The following MBNL2 variants were observed in gnomAD, a reference collection of about 807,000 sequenced individuals.
The protein encoded by MBNL2 is muscleblind like splicing regulator 2.
A neutral mutation model predicts 41.9 loss-of-function variants in MBNL2; 17 were observed. That is an observed-to-expected ratio of 0.41 (90% CI 0.28 to 0.61). The LOEUF (loss-of-function observed/expected upper bound fraction) is 0.61, where lower values mean the gene tolerates loss of function less well. Ranked by LOEUF, MBNL2 falls within the 20% of genes least tolerant of loss-of-function variation. The probability of loss-of-function intolerance (pLI) is 0.35; values close to 1 mark genes in which losing one functional copy is unlikely to be tolerated. For synonymous variants in MBNL2, 195 were observed against 182.9 expected (o/e 1.07, Z -0.53); for missense variants, 336 against 505.6 (o/e 0.66, Z 3.22).
intron 2 of MBNL2, among the ~76,000 whole-genome samples, chr13:97,285,839 C>T (rs2054316664): frequency 6.6e-6 from 1 of 152,126 alleles, no homozygotes; most frequent in South Asian, 2.1e-4. Context: ...TGGTTTTCAC[C>T]TCACCTCATT....
chr13:97,302,620 A>G (rs1326998030), intron 2 of MBNL2, among the ~76,000 whole-genome samples: 2 of 152,218 alleles, frequency 1.3e-5, no homozygotes, highest in Non-Finnish European at 2.9e-5. Context: ...TATTTTTCCT[A>G]TGACTGGTAT....
the MBNL2 span, among the ~76,000 whole-genome samples, chr13:97,204,954 A>G: frequency 3.9e-5 from 6 of 152,000 alleles, no homozygotes; most frequent in South Asian, 6.2e-4. Flanking sequence ...ACAGGGGTTC[A>G]TGAAGTTAAG....
intron 1 of MBNL2, among the ~76,000 whole-genome samples, chr13:97,243,575 A>G (rs2044764374): frequency 6.6e-6 from 1 of 152,198 alleles, no homozygotes; most frequent in Admixed American, 6.5e-5. Flanking sequence ...GAAATCAACG[A>G]AAGTGGAGAA....
chr13:97,255,335 C>T (rs1415323002), intron 1 of MBNL2, among the ~76,000 whole-genome samples: 3 of 152,226 alleles, frequency 2.0e-5, no homozygotes, highest in African/African-American at 7.2e-5. Flanking sequence ...TTGCATACCA[C>T]TTCAATTATT....
At chr13:97,259,000 G>A (rs997335056) in intron 1 of MBNL2, among the ~76,000 whole-genome samples, 1 of 152,170 alleles carries the variant, frequency 6.6e-6, no homozygotes, top group African/African-American at 2.4e-5. Context: ...AGGTTCATGT[G>A]ACTCAAAAAT....
At chr13:97,318,120 G>A (rs948648247) in intron 2 of MBNL2, among the ~76,000 whole-genome samples, 3 of 152,174 alleles carry the variant, frequency 2.0e-5, no homozygotes, top group African/African-American at 4.8e-5. Flanking sequence ...TAACCTCTCT[G>A]TGCCTTGGTT....
intron 8 of MBNL2, among the ~76,000 whole-genome samples, chr13:97,367,510 G>A (rs544794731): frequency 3.2e-4 from 49 of 152,326 alleles, no homozygotes; most frequent in Admixed American, 2.9e-3. Flanking sequence ...AGGGGAAATC[G>A]TGTTGGGGGA....
At chr13:97,162,599 T>C in the MBNL2 span, among the ~76,000 whole-genome samples, 1 of 152,190 alleles carries the variant, frequency 6.6e-6, no homozygotes, top group Non-Finnish European at 1.5e-5. Flanking sequence ...AGCCCTGGGA[T>C]AGATGTGTAT....
intron 2 of MBNL2, among the ~76,000 whole-genome samples, chr13:97,296,480 C>T (rs9513229): frequency 0.096 from 14,641 of 151,954 alleles, 814 homozygotes; most frequent in African/African-American, 0.15. Flanking sequence ...AACTGTTTTT[C>T]CCCCCAGAGG....
intron 7 of MBNL2, among the ~76,000 whole-genome samples, chr13:97,363,518 T>C (rs1300286722): frequency 6.6e-6 from 1 of 150,502 alleles, no homozygotes; most frequent in African/African-American, 2.5e-5. Context: ...GGCGGAGTGC[T>C]GAATGCTGCT....
chr13:97,389,192 T>C (rs565051470), intron 8 of MBNL2, among the ~76,000 whole-genome samples: 19 of 152,218 alleles, frequency 1.2e-4, no homozygotes, highest in Non-Finnish European at 2.4e-4. Context: ...CAATTAAATT[T>C]CAGTGGTCAT....
Position 97,222,463 on chromosome 13 carries a change from C to T in MBNL2, c.-673C>T. 1 of 398,636 alleles carries T rather than the reference C, an allele frequency of 2.5e-6. No individual in the cohort carries two copies. The highest frequency in any genetic ancestry group is 4.4e-6 in the Non-Finnish European group (1 of 226,082). The allele number at this position is 398,636 out of a possible 1,614,324, so 24.7% of individuals were successfully genotyped here. A position where few individuals can be genotyped will look rare whatever the true frequency, so the allele number is the denominator to read the frequency against. On this transcript the variant is annotated 5_prime_UTR_variant, in exon 1 of 9. Coordinates refer to ENST00000679496, the MANE Select transcript of MBNL2 (RefSeq NM_001382683.1). ...TTCTCATGATGCGGTGGAGAAGCCT[C>T]GGCCACTTGGTTCTGCCAGATGTTC...
chr13:97,196,041 C>T, the MBNL2 span, among the ~76,000 whole-genome samples: 1 of 152,204 alleles, frequency 6.6e-6, no homozygotes. Context: ...CTTAATCTTA[C>T]CCTTGCCGTG....
chr13:97,280,598 A>C (rs999314730), intron 2 of MBNL2, among the ~76,000 whole-genome samples: 2 of 152,198 alleles, frequency 1.3e-5, no homozygotes, highest in Admixed American at 1.3e-4. Context: ...TTCTCACCAC[A>C]CTCAGAGTAA....
the MBNL2 span, among the ~76,000 whole-genome samples, chr13:97,213,171 A>C: frequency 1.3e-5 from 2 of 152,218 alleles, no homozygotes; most frequent in Admixed American, 1.3e-4. Context: ...GCATCAAATA[A>C]AAGAGGTTGA....
At chr13:97,216,006 CATGCTTT>C in the MBNL2 span, among the ~76,000 whole-genome samples, 1 of 152,212 alleles carries the variant, frequency 6.6e-6, no homozygotes, top group Non-Finnish European at 1.5e-5. Flanking sequence ...ATTTCATTTA[CATGCTTT>C]ATGCAATTTG....
At chr13:97,352,354 ACT>A (rs1477281425) in intron 5 of MBNL2, among the ~76,000 whole-genome samples, 2 of 152,016 alleles carry the variant, frequency 1.3e-5, no homozygotes, top group Admixed American at 1.3e-4. Flanking sequence ...ATAATCTGTG[ACT>A]CTTTCTTTCA....
rs139036021 is a variant in MBNL2 at position 97,355,070 on chromosome 13, G to A, written c.805-1726G>A. On this transcript the variant is annotated intron_variant, in intron 5 of 8. Transcript: ENST00000679496. ...GATTCGAAACAAAAATGGCATTATG[G>A]AAGTTACATGATGTCAAAGTTACAT... 1.9e-3 allele frequency among the ~76,000 whole-genome samples: 289 copies of A among 152,316 alleles called. 1 individual carries two copies. Among genetic ancestry groups the A allele is most frequent in the African/African-American group, 6.5e-3 (272 of 41,580 alleles).
chr13:97,166,829 T>TAGAA, the MBNL2 span, among the ~76,000 whole-genome samples: 153 of 117,896 alleles, frequency 1.3e-3, 1 homozygote, highest in African/African-American at 4.8e-3. Flanking sequence ...GATAGATAGA[T>TAGAA]AGATAGATAG....
Sources: gnomAD v4.1 joint callset for allele counts (sites outside exome capture counted in the v4.1 genomes callset) on GRCh38, gnomAD v4.1.1 for gene constraint, MANE v1.5 for transcripts, NCBI Gene and HGNC (gene_info 2026-07-23, HGNC 2026-07-21) for gene names.